Variants in AP2A2 observed in about 807,000 individuals in gnomAD.
The protein encoded by AP2A2 is AP-2 complex subunit alpha-2.
A neutral mutation model predicts 104.2 loss-of-function variants in AP2A2; 32 were observed. The observed-to-expected ratio is 0.31, with a 90% CI of 0.23 to 0.41. The LOEUF (loss-of-function observed/expected upper bound fraction) is 0.41, where lower values mean the gene tolerates loss of function less well. AP2A2 is among the 10% of genes least tolerant of loss of function. The pLI, the probability that AP2A2 is intolerant of heterozygous loss-of-function variation, is 1.00. For missense variants in AP2A2, 912 were observed against 1,261.0 expected (o/e 0.72, Z 4.19); for synonymous variants, 539 against 533.3 (o/e 1.01, Z -0.15).
At chr11:961,544 C>T (rs1403116768) in intron 2 of AP2A2, among the ~76,000 whole-genome samples, 5 of 139,456 alleles carry the variant, frequency 3.6e-5, no homozygotes, top group African/African-American at 1.4e-4. Flanking sequence ...AAGTAAAGGG[C>T]AGAAGCAGAT....
At chr11:951,543 C>T (rs781193062) in intron 1 of AP2A2, among the ~76,000 whole-genome samples, 4 of 151,720 alleles carry the variant, frequency 2.6e-5, no homozygotes, top group Non-Finnish European at 4.4e-5. Context: ...AAAAAAAGAA[C>T]GTGTGAGTTT....
intron 6 of AP2A2, 54 bp from the exon 7 acceptor site, chr11:984,591 C>T (rs546013526): frequency 2.1e-5 from 31 of 1,450,904 alleles, no homozygotes; most frequent in East Asian, 6.8e-5. Context: ...TTTGGGTCCC[C>T]GCAGTAGGGG....
intron 3 of AP2A2, among the ~76,000 whole-genome samples, 167 bp from the exon 4 acceptor site, chr11:971,895 C>A (rs942744064): frequency 6.6e-6 from 1 of 152,070 alleles, no homozygotes; most frequent in Admixed American, 6.5e-5. Context: ...CTGGAACAGA[C>A]GTTTGCCGAA....
At chr11:972,036 C>T in intron 3 of AP2A2, 26 bp from the exon 4 acceptor site, 1 of 1,596,792 alleles carries the variant, frequency 6.3e-7, no homozygotes, top group Non-Finnish European at 8.5e-7. Flanking sequence ...CATGAGCTTT[C>T]TCTTCTCCTG....
intron 1 of AP2A2, chr11:940,627 A>G: frequency 5.7e-6 from 2 of 351,308 alleles, no homozygotes; most frequent in Non-Finnish European, 1.1e-5. Flanking sequence ...TCGTCTGTGT[A>G]AAGGTGTTTC....
chr11:947,230 C>T (rs970405180), intron 1 of AP2A2, among the ~76,000 whole-genome samples: 8 of 151,896 alleles, frequency 5.3e-5, no homozygotes, highest in African/African-American at 1.9e-4. Flanking sequence ...AGGCTGGTCT[C>T]GAACTCCTGA....
At chr11:988,742 G>T in intron 10 of AP2A2, 53 bp downstream of exon 10, 1 of 1,601,622 alleles carries the variant, frequency 6.2e-7, no homozygotes, top group Non-Finnish European at 8.5e-7. Flanking sequence ...GAATCTCAGC[G>T]GCAGGATTTC....
In AP2A2 at chr11:993,432, G is replaced by A. The variant is rs1036769647; in HGVS notation, c.1550+51G>A. On this transcript the variant is annotated intron_variant, in intron 12 of 21. Transcript: ENST00000448903. The surrounding 1 kb of genome is among the most constrained non-coding windows in gnomAD (Gnocchi z 8.2). ...CTGTGTGCGCTCCGGCGGGCCTCTC[G>A]GTGGTCGGTGGCAAGAGGCGAGGCA... 107 of 1,422,524 alleles carry A rather than the reference G, an allele frequency of 7.5e-5. No homozygotes were observed. The highest frequency in any genetic ancestry group is 2.6e-4 in the African/African-American group (18 of 69,142). The allele number at this position is 1,422,524 out of a possible 1,614,324, so 88.1% of individuals were successfully genotyped here.
chr11:1,003,186 G>A (rs944704728), intron 15 of AP2A2, among the ~76,000 whole-genome samples: 1 of 152,260 alleles, frequency 6.6e-6, no homozygotes, highest in Non-Finnish European at 1.5e-5. Context: ...CCTGTGCGGT[G>A]TAGACACTAA....
intron 1 of AP2A2, among the ~76,000 whole-genome samples, chr11:948,173 T>G (rs1290477262): frequency 6.6e-6 from 1 of 152,098 alleles, no homozygotes; most frequent in African/African-American, 2.4e-5. Context: ...GAGCAAAGAT[T>G]GGTTATTTGA....
intron 1 of AP2A2, among the ~76,000 whole-genome samples, chr11:941,322 C>A (rs1042159694): frequency 6.6e-6 from 1 of 152,150 alleles, no homozygotes; most frequent in African/African-American, 2.4e-5. Context: ...ATTGTGATAA[C>A]TCTATTGTCC....
intron 15 of AP2A2, among the ~76,000 whole-genome samples, chr11:1,003,091 A>G (rs542752331): frequency 6.6e-6 from 1 of 152,364 alleles, no homozygotes; most frequent in Non-Finnish European, 1.5e-5. Context: ...AGAAACACAA[A>G]TGAAAGCTAA....
intron 10 of AP2A2, among the ~76,000 whole-genome samples, chr11:990,923 C>T (rs914710626): frequency 2.7e-5 from 4 of 150,930 alleles, no homozygotes; most frequent in Non-Finnish European, 5.9e-5. Context: ...CCCCCCACCC[C>T]ATCCTTTCAG....
intron 1 of AP2A2, among the ~76,000 whole-genome samples, chr11:954,687 C>T (rs1347185915): frequency 1.3e-5 from 2 of 150,742 alleles, no homozygotes; most frequent in Admixed American, 6.7e-5. Flanking sequence ...AATGTGTATT[C>T]ATGTGTGTTT....
intron 10 of AP2A2, among the ~76,000 whole-genome samples, chr11:990,348 T>G (rs929709543): frequency 6.6e-6 from 1 of 152,174 alleles, no homozygotes; most frequent in African/African-American, 2.4e-5. Context: ...CAGTGGTCCC[T>G]CTCTGGCCTG....
At chr11:1,009,016 T>C in intron 18 of AP2A2, 84 bp from the exon 19 acceptor site, 3 of 1,170,276 alleles carry the variant, frequency 2.6e-6, no homozygotes, top group Non-Finnish European at 3.7e-6. Context: ...ATCGGGACGC[T>C]TCTCACTCCA....
intron 14 of AP2A2, among the ~76,000 whole-genome samples, chr11:998,775 G>C (rs953855704): frequency 6.6e-6 from 1 of 152,086 alleles, no homozygotes; most frequent in Non-Finnish European, 1.5e-5. Context: ...TTGGCTCACT[G>C]CAATCTCCGC....
At chr11:953,608 C>T (rs1415842814) in intron 1 of AP2A2, among the ~76,000 whole-genome samples, 1 of 139,488 alleles carries the variant, frequency 7.2e-6, no homozygotes, top group Non-Finnish European at 1.6e-5. Context: ...AAGTCCCTGG[C>T]TCCGTCCTGG....
chr11:959,186 G>A (rs1266156766), intron 1 of AP2A2, among the ~76,000 whole-genome samples: 4 of 152,202 alleles, frequency 2.6e-5, no homozygotes, highest in South Asian at 2.1e-4. Context: ...TGGCCCGGGC[G>A]GTTCAGGACT....
Sources: allele counts gnomAD v4.1 joint callset (sites outside exome capture counted in the v4.1 genomes callset), GRCh38; gene constraint gnomAD v4.1.1; non-coding constraint Gnocchi (gnomAD v3.1); transcripts MANE v1.5; gene names NCBI Gene and HGNC (gene_info 2026-07-23, HGNC 2026-07-21).